Variants in RGPD4 observed in about 807,000 individuals in gnomAD.
The protein encoded by RGPD4 is ranBP2-like and GRIP domain-containing protein 4.
In RGPD4, 84 loss-of-function variants were observed where a neutral mutation model predicts 141.1. That is an observed-to-expected ratio of 0.60 (90% CI 0.50 to 0.71). The LOEUF is 0.71. Ranked by LOEUF, RGPD4 falls within the 30% of genes least tolerant of loss-of-function variation. RGPD4 has a pLI of 0.00. For synonymous variants in RGPD4, 298 were observed against 566.8 expected (o/e 0.53, Z 6.74); for missense variants, 918 against 1,622.4 (o/e 0.57, Z 7.46).
chr2:107,844,769 C>A (rs1380325884), intron 6 of RGPD4, among the ~76,000 whole-genome samples: 1 of 108,814 alleles, frequency 9.2e-6, no homozygotes, highest in African/African-American at 3.5e-5. Context: ...TTACATTTTT[C>A]TTAAGGACAT....
At chr2:107,885,196 G>A (rs1675478609) in intron 22 of RGPD4, among the ~76,000 whole-genome samples, 3 of 151,954 alleles carry the variant, frequency 2.0e-5, no homozygotes, top group African/African-American at 7.2e-5. Flanking sequence ...TAATTTTATA[G>A]TTATAAAAAA....
chr2:107,870,815 T>C lies in RGPD4; in HGVS notation c.2811T>C (p.Ser937=). 1 of 1,606,412 alleles carries C rather than the reference T, an allele frequency of 6.2e-7. No homozygotes were observed. The highest frequency in any genetic ancestry group is 8.5e-7 in the Non-Finnish European group (1 of 1,176,022). The change falls in exon 20 of 23, where the codon AGT becomes AGC. Residue 937 remains serine (S), a synonymous_variant. Transcript: ENST00000408999. Reference sequence around the variant, plus strand: ...AACCAGGAAATCAAGAAAAGGAAAGTGAAAAGCCTCTTGAAAATGATACTG... The same window carrying C: ...AACCAGGAAATCAAGAAAAGGAAAGCGAAAAGCCTCTTGAAAATGATACTG... The part of the protein sequence containing the change: ...ISEPGNQEKE[S]EKPLENDTGF...
intron 1 of RGPD4, among the ~76,000 whole-genome samples, chr2:107,828,358 C>G (rs1419611694): frequency 1.1e-4 from 1 of 9,106 alleles, no homozygotes; most frequent in East Asian, 1.1e-3. Context: ...GCTCAGGCGT[C>G]ATGGCTCCCG....
chr2:107,859,692 G>A (rs753497659), intron 11 of RGPD4, 30 bp from the exon 12 acceptor site: 11 of 1,611,146 alleles, frequency 6.8e-6, no homozygotes, highest in Admixed American at 1.7e-5. Context: ...TATTTAGAAA[G>A]CAATTTTAGT....
At chr2:107,846,966 G>T (rs1238520386) in intron 6 of RGPD4, among the ~76,000 whole-genome samples, 2 of 151,622 alleles carry the variant, frequency 1.3e-5, no homozygotes, top group Non-Finnish European at 2.9e-5. Flanking sequence ...GCTCAGCGGG[G>T]CGCGGTGGCT....
chr2:107,880,464 C>G (rs1030504006), intron 21 of RGPD4, among the ~76,000 whole-genome samples: 5 of 151,328 alleles, frequency 3.3e-5, no homozygotes, highest in Non-Finnish European at 5.9e-5. Context: ...CAGGTTTTAC[C>G]ATGTTATCCA....
intron 21 of RGPD4, 129 bp from the exon 22 acceptor site, chr2:107,882,543 C>T: frequency 1.4e-6 from 1 of 717,774 alleles, no homozygotes; most frequent in Non-Finnish European, 2.4e-6. Flanking sequence ...AACTGAATTC[C>T]TTCCTTTATT....
At chr2:107,849,362 C>CTTTTT (rs60901392) in intron 7 of RGPD4, among the ~76,000 whole-genome samples, 1 of 73,410 alleles carries the variant, frequency 1.4e-5, no homozygotes, top group African/African-American at 6.5e-5. Flanking sequence ...CGCGCCTGGC[C>CTTTTT]TTTTTTTTTT....
At chr2:107,884,405 G>T (rs1476245026) in intron 22 of RGPD4, among the ~76,000 whole-genome samples, 7 of 151,778 alleles carry the variant, frequency 4.6e-5, no homozygotes, top group Non-Finnish European at 8.8e-5. Flanking sequence ...CGGCCATTTT[G>T]TTGTTTTTTT....
intron 22 of RGPD4, among the ~76,000 whole-genome samples, chr2:107,884,598 A>T (rs1389654333): frequency 2.1e-5 from 3 of 146,104 alleles, no homozygotes; most frequent in Admixed American, 6.9e-5. Flanking sequence ...GGTGGACAAA[A>T]ATACATCATA....
At chr2:107,859,596 G>A in intron 11 of RGPD4, 42 bp downstream of exon 11, 2 of 1,611,414 alleles carry the variant, frequency 1.2e-6, no homozygotes, top group Non-Finnish European at 1.7e-6. Flanking sequence ...TTAGTGCGTA[G>A]GTTTTACCAG....
intron 22 of RGPD4, among the ~76,000 whole-genome samples, chr2:107,885,117 A>G (rs892244532): frequency 2.0e-5 from 3 of 152,096 alleles, no homozygotes; most frequent in Admixed American, 2.0e-4. Context: ...AGAATACATC[A>G]TGTATATTTT....
intron 1 of RGPD4, among the ~76,000 whole-genome samples, chr2:107,828,732 G>C (rs1424311397): frequency 6.4e-5 from 2 of 31,220 alleles, no homozygotes; most frequent in Admixed American, 2.0e-4. Flanking sequence ...CGGCGGCCTC[G>C]ACCTGGCCCG....
chr2:107,883,301 T>C (rs1191851361), intron 22 of RGPD4: 1 of 354,434 alleles, frequency 2.8e-6, no homozygotes. Flanking sequence ...TTGGTCTATA[T>C]ACAGCAGTCC....
chr2:107,858,541 C>T (rs1178270832), intron 9 of RGPD4, among the ~76,000 whole-genome samples: 5 of 152,116 alleles, frequency 3.3e-5, no homozygotes, highest in African/African-American at 4.8e-5. Flanking sequence ...CAGGTTCAAG[C>T]AATTGTCTTG....
intron 21 of RGPD4, among the ~76,000 whole-genome samples, chr2:107,881,484 A>AT (rs1043001720): frequency 6.6e-5 from 10 of 151,308 alleles, no homozygotes; most frequent in South Asian, 2.1e-4. Flanking sequence ...TGCCCGGCTA[A>AT]TTTTTTTTAT....
intron 6 of RGPD4, among the ~76,000 whole-genome samples, chr2:107,844,767 T>G (rs1451725888): frequency 7.9e-6 from 1 of 126,796 alleles, no homozygotes; most frequent in East Asian, 2.0e-4. Context: ...TTTTACATTT[T>G]TCTTAAGGAC....
Position 107,871,555 on chromosome 2 carries a change from A to G in RGPD4, c.3551A>G (p.Asp1184Gly). 6.5e-7 allele frequency: 1 copy of G among 1,541,384 alleles called. No individual in the cohort carries two copies. Among genetic ancestry groups the G allele is most frequent in the Non-Finnish European group, 8.7e-7 (1 of 1,148,576 alleles). The change falls in exon 20 of 23, where the codon GAT (aspartate) becomes GGT (glycine). Residue 1184 changes from aspartate to glycine, a missense_variant. Transcript: ENST00000408999. ...IPLQTPHKLV[D>G]TGRAAKLIQR... ...CTTCAAACTCCCCATAAACTTGTAG[A>G]TACTGGCAGAGCTGCCAAGTTAATA...
intron 22 of RGPD4, among the ~76,000 whole-genome samples, chr2:107,883,347 T>A (rs1273688125): frequency 1.3e-5 from 2 of 151,570 alleles, no homozygotes; most frequent in Non-Finnish European, 2.9e-5. Flanking sequence ...AACTGTGCCA[T>A]AGGCCAGGCG....
Sources: gnomAD v4.1 joint callset for allele counts (sites outside exome capture counted in the v4.1 genomes callset) on GRCh38, gnomAD v4.1.1 for gene constraint, MANE v1.5 for transcripts, NCBI Gene and HGNC (gene_info 2026-07-23, HGNC 2026-07-21) for gene names.